PAX5: variants seen among roughly 807,000 people sequenced by gnomAD.
PAX5 encodes the protein paired box 5.
PAX5 carries 9 observed loss-of-function variants against 43.7 expected under a neutral mutation model. That is an observed-to-expected ratio of 0.21 (90% CI 0.12 to 0.36). The LOEUF (loss-of-function observed/expected upper bound fraction) is 0.36, where lower values mean the gene tolerates loss of function less well. Ranked by LOEUF, PAX5 falls within the 10% of genes least tolerant of loss-of-function variation. The pLI, the probability that PAX5 is intolerant of heterozygous loss-of-function variation, is 1.00. For missense variants in PAX5, 383 were observed against 532.7 expected (o/e 0.72, Z 2.77); for synonymous variants, 228 against 214.3 (o/e 1.06, Z -0.56).
chr9:36,853,462 T>C (rs1823356545), intron 8 of PAX5, among the ~76,000 whole-genome samples: 2 of 151,412 alleles, frequency 1.3e-5, no homozygotes, highest in Non-Finnish European at 1.5e-5. Flanking sequence ...TCCATGAACA[T>C]AGAGCTCTGA....
intron 4 of PAX5, among the ~76,000 whole-genome samples, chr9:37,003,040 G>T (rs1838049999): frequency 6.6e-6 from 1 of 151,952 alleles, no homozygotes; most frequent in Non-Finnish European, 1.5e-5. Flanking sequence ...AAAGGAACAC[G>T]GGGACACGGG....
chr9:36,866,981 G>A (rs1824946929), intron 8 of PAX5, among the ~76,000 whole-genome samples: 1 of 146,630 alleles, frequency 6.8e-6, no homozygotes, highest in Non-Finnish European at 1.5e-5. Flanking sequence ...CCTCGGCTAG[G>A]GCCTCTGTTG....
intron 1 of PAX5, 145 bp downstream of exon 1, chr9:37,033,840 GA>G: frequency 4.4e-6 from 3 of 683,558 alleles, no homozygotes; most frequent in South Asian, 1.6e-5. Context: ...ACAGATAGGT[GA>G]AAAAACATAA....
At chr9:36,843,094 G>C (rs4880017) in intron 9 of PAX5, among the ~76,000 whole-genome samples, 2 of 151,252 alleles carry the variant, frequency 1.3e-5, no homozygotes, top group African/African-American at 4.9e-5. Context: ...GTGTGTGTGC[G>C]TGTGTGTGTG....
chr9:36,868,471 C>A (rs768222554), intron 8 of PAX5, among the ~76,000 whole-genome samples: 2 of 152,062 alleles, frequency 1.3e-5, no homozygotes, highest in Non-Finnish European at 2.9e-5. Context: ...TGAGGGACTG[C>A]GGTGGGGGGC....
At chr9:36,892,575 C>T (rs2131821207) in intron 7 of PAX5, among the ~76,000 whole-genome samples, 1 of 152,292 alleles carries the variant, frequency 6.6e-6, no homozygotes, top group Non-Finnish European at 1.5e-5. Context: ...GTCACTCCTG[C>T]CTCACACACA....
At chr9:36,896,410 C>T (rs963679612) in intron 7 of PAX5, among the ~76,000 whole-genome samples, 3 of 151,942 alleles carry the variant, frequency 2.0e-5, no homozygotes, top group Admixed American at 6.5e-5. Flanking sequence ...GAGGCCCATA[C>T]GAGACAGGCA....
At chr9:37,030,521 G>C (rs1160702279) in intron 1 of PAX5, among the ~76,000 whole-genome samples, 4 of 152,232 alleles carry the variant, frequency 2.6e-5, no homozygotes, top group African/African-American at 9.6e-5. Context: ...GCCTCACTCT[G>C]ATCTACAGTG....
chr9:37,005,493 C>T (rs1246943498), intron 4 of PAX5, among the ~76,000 whole-genome samples: 1 of 152,228 alleles, frequency 6.6e-6, no homozygotes, highest in Non-Finnish European at 1.5e-5. Flanking sequence ...TGCCCCTCCA[C>T]CCACAAATGA....
Position 36,949,000 on chromosome 9 carries a change from T to C in PAX5, c.780+17549A>G, listed in dbSNP as rs552130902. 2.0e-4 allele frequency among the ~76,000 whole-genome samples: 31 copies of C among 152,342 alleles called. 1 individual carries two copies. In the South Asian group the frequency reaches 6.2e-3, roughly 31 times the overall value. On this transcript the variant is annotated intron_variant, in intron 6 of 9. Transcript: ENST00000358127. Reference sequence around the variant, plus strand: ...TACCTACTATGGGCTGAACCCTCTGTCAAACTTTGTTTAATCAGTACAACC... The same window carrying C: ...TACCTACTATGGGCTGAACCCTCTGCCAAACTTTGTTTAATCAGTACAACC...
intron 6 of PAX5, among the ~76,000 whole-genome samples, chr9:36,946,234 G>A (rs1409750697): frequency 6.6e-6 from 1 of 152,158 alleles, no homozygotes; most frequent in African/African-American, 2.4e-5. Context: ...TCGCAGAGGG[G>A]CCATGGCCCA....
rs1821597726 is a variant in PAX5, at chr9:36,835,764, G to C, written c.*4796C>G. 1 of 233,222 alleles carries C rather than the reference G, an allele frequency of 4.3e-6. No individual in the cohort carries two copies. Among genetic ancestry groups the C allele is most frequent in the South Asian group, 1.8e-4 (1 of 5,526 alleles). 14.4% of individuals were successfully genotyped at this position (233,222 alleles called of 1,614,324 possible). A position where few individuals can be genotyped will look rare whatever the true frequency, so the allele number is the denominator to read the frequency against. ...AACCATCAGAGCAGCCTCTCGATGG[G>C]TGACAAGGCCAAGACTGCAGAACTG... On this transcript the variant is annotated 3_prime_UTR_variant, in exon 10 of 10. Transcript: ENST00000358127.
chr9:36,865,276 C>T (rs1243418669), intron 8 of PAX5, among the ~76,000 whole-genome samples: 1 of 152,218 alleles, frequency 6.6e-6, no homozygotes, highest in Non-Finnish European at 1.5e-5. Context: ...CCCTCAGCTT[C>T]TGAGCTCCCC....
At chr9:36,951,212 T>C (rs1215779869) in intron 6 of PAX5, among the ~76,000 whole-genome samples, 2 of 152,224 alleles carry the variant, frequency 1.3e-5, no homozygotes, top group African/African-American at 4.8e-5. Context: ...CTAATTGTTG[T>C]CCTTTCATGT....
intron 6 of PAX5, among the ~76,000 whole-genome samples, chr9:36,950,424 G>C (rs1713134880): frequency 6.6e-6 from 1 of 152,166 alleles, no homozygotes; most frequent in African/African-American, 2.4e-5. Context: ...GCTCAGAGCT[G>C]GAAGGGACCC....
intron 7 of PAX5, among the ~76,000 whole-genome samples, chr9:36,886,388 A>C (rs1826909966): frequency 6.6e-6 from 1 of 152,056 alleles, no homozygotes; most frequent in Non-Finnish European, 1.5e-5. Context: ...TGGGGAACCC[A>C]GTCTTATGAA....
intron 9 of PAX5, among the ~76,000 whole-genome samples, chr9:36,842,141 G>C (rs918683139): frequency 2.0e-5 from 3 of 152,160 alleles, no homozygotes; most frequent in African/African-American, 4.8e-5. Context: ...CCCTGAGATG[G>C]GTTTTCTTCT....
chr9:36,893,730 C>T (rs532954271), intron 7 of PAX5, among the ~76,000 whole-genome samples: 12 of 152,278 alleles, frequency 7.9e-5, no homozygotes, highest in African/African-American at 2.4e-4. Context: ...AAGCCCAAGC[C>T]GCGATAGTCT....
At chr9:36,901,425 C>G (rs575379225) in intron 7 of PAX5, among the ~76,000 whole-genome samples, 1 of 152,254 alleles carries the variant, frequency 6.6e-6, no homozygotes, top group African/African-American at 2.4e-5. Context: ...TGACATCTGT[C>G]ACATGCCTCT....
Sources: gnomAD v4.1 joint callset for allele counts (sites outside exome capture counted in the v4.1 genomes callset) on GRCh38, gnomAD v4.1.1 for gene constraint, MANE v1.5 for transcripts, NCBI Gene and HGNC (gene_info 2026-07-23, HGNC 2026-07-21) for gene names.